The following GLP2R variants were observed in gnomAD, a reference collection of about 807,000 sequenced individuals.
The protein encoded by GLP2R is glucagon like peptide 2 receptor.
GLP2R carries 59 observed loss-of-function variants against 68.2 expected under a neutral mutation model. The ratio of observed to expected loss-of-function variants is 0.87; its 90% CI spans 0.70 to 1.07. The LOEUF is 1.07. Among genes scored for constraint, GLP2R ranks in the 50% least tolerant of loss-of-function variants. The pLI is 0.00. For missense variants in GLP2R, 548 were observed against 677.4 expected, an observed-to-expected ratio of 0.81 and a Z score of 2.12; for synonymous variants, 270 against 265.4, an observed-to-expected ratio of 1.02 and a Z score of -0.17.
At chr17:9,859,712 G>C (rs944023109) in intron 6 of GLP2R, among the ~76,000 whole-genome samples, 1 of 149,592 alleles carries the variant, frequency 6.7e-6, no homozygotes, top group Non-Finnish European at 1.5e-5. Flanking sequence ...CTAGCTACTC[G>C]GGGGGCTGAC....
intron 4 of GLP2R, among the ~76,000 whole-genome samples, chr17:9,844,187 T>TA (rs2066814749): frequency 6.6e-6 from 1 of 152,054 alleles, no homozygotes; most frequent in African/African-American, 2.4e-5. Flanking sequence ...AGGACACAGG[T>TA]GGAGGTAGAG....
chr17:9,846,992 C>T (rs1406693479), intron 4 of GLP2R, among the ~76,000 whole-genome samples: 1 of 152,228 alleles, frequency 6.6e-6, no homozygotes, highest in East Asian at 1.9e-4. Flanking sequence ...CCTGCTTCCA[C>T]TCCTGAAGAA....
rs140240571 is a variant in GLP2R, at chr17:9,879,623, G to A, written c.1146-755G>A. ...GTAAGGAATTTTAATAGTCAGCCAC[G>A]TTTGGGAACCACCAGTATGCAACAT... is the stretch of plus-strand genomic sequence containing the variant. On this transcript the variant is annotated intron_variant, in intron 10 of 12. Coordinates refer to ENST00000262441, the MANE Select transcript of GLP2R (RefSeq NM_004246.3). Among the ~76,000 whole-genome samples the A allele has an allele frequency of 2.2e-3, 336 of 152,302 alleles. 1 individual carries two copies. Among genetic ancestry groups the A allele is most frequent in the African/African-American group, 3.0e-3 (124 of 41,578 alleles).
chr17:9,852,960 C>G (rs1433995428), intron 4 of GLP2R: 4 of 485,866 alleles, frequency 8.2e-6, no homozygotes, highest in South Asian at 5.7e-5. Flanking sequence ...CTGCATCTTC[C>G]TAAGTGCTGT....
rs569667770 is a variant in GLP2R, at chr17:9,856,972, C to T, written c.612-451C>T. 5.7e-4 allele frequency among the ~76,000 whole-genome samples: 87 copies of T among 151,888 alleles called. No individual in the cohort carries two copies. In the South Asian group the frequency reaches 0.016, roughly 28 times the overall value. On this transcript the variant is annotated intron_variant, in intron 5 of 12. Transcript: ENST00000262441. ...AAGTCTCGCTCTGTTGCCAGGCTGG[C>T]GTGCAGTGGCGTGATCTAGGCTCAC...
intron 9 of GLP2R, among the ~76,000 whole-genome samples, chr17:9,869,046 T>TG (rs2067067179): frequency 6.6e-6 from 1 of 152,240 alleles, no homozygotes; most frequent in African/African-American, 2.4e-5. Context: ...TCCTGCTGGC[T>TG]TCAGGCCCTC....
chr17:9,826,324 C>A, intron 1 of GLP2R, 72 bp downstream of exon 1: 1 of 1,087,298 alleles, frequency 9.2e-7, no homozygotes, highest in Non-Finnish European at 1.3e-6. Context: ...GCAATTTAGG[C>A]CTCATGTAAG....
intron 11 of GLP2R, among the ~76,000 whole-genome samples, chr17:9,881,378 C>CTTCTTTTT (rs2067194258): frequency 2.1e-5 from 2 of 95,644 alleles, no homozygotes; most frequent in African/African-American, 5.0e-5. Flanking sequence ...GCTGTCAGGC[C>CTTCTTTTT]TTTTTTTTTT....
At chr17:9,839,143 T>G (rs1247726640) in intron 3 of GLP2R, among the ~76,000 whole-genome samples, 1 of 152,148 alleles carries the variant, frequency 6.6e-6, no homozygotes, top group African/African-American at 2.4e-5. Context: ...AGTTGTAGTC[T>G]GGGAGAATGA....
At chr17:9,830,137 T>A (rs2066667267) in intron 1 of GLP2R, among the ~76,000 whole-genome samples, 1 of 152,246 alleles carries the variant, frequency 6.6e-6, no homozygotes, top group South Asian at 2.1e-4. Context: ...TTTGTCCAGC[T>A]CTCCTAGACT....
chr17:9,836,489 T>C lies in GLP2R; in HGVS notation c.382+14T>C. ...GGTGGAGTGAAGGTAATAAGTCTTA[T>C]TTTTACCAATTTTCCCCAACCAAGT... On this transcript the variant is annotated intron_variant, in intron 3 of 12. Transcript: ENST00000262441. 2 of 1,485,958 alleles carry C rather than the reference T, an allele frequency of 1.3e-6. No individual in the cohort carries two copies. The highest frequency in any genetic ancestry group is 1.9e-6 in the Non-Finnish European group (2 of 1,063,156). The allele number at this position is 1,485,958 out of a possible 1,614,324, so 92.0% of individuals were successfully genotyped here. A position where few individuals can be genotyped will look rare whatever the true frequency, so the allele number is the denominator to read the frequency against.
At chr17:9,868,219 GA>G (rs1280492437) in intron 9 of GLP2R, among the ~76,000 whole-genome samples, 1 of 152,198 alleles carries the variant, frequency 6.6e-6, no homozygotes, top group African/African-American at 2.4e-5. Flanking sequence ...GGCTCTTGGG[GA>G]AAGAGTGTTT....
In GLP2R at chr17:9,860,101, G is replaced by A. The variant is rs767221565; in HGVS notation, c.925G>A (p.Ala309Thr). 2 of 1,597,714 alleles carry A rather than the reference G, an allele frequency of 1.3e-6. No homozygotes were observed. Among genetic ancestry groups the A allele is most frequent in the Non-Finnish European group, 1.7e-6 (2 of 1,171,370 alleles). ...LWPRYLLLGW[A>T]FPVLFVVPWG... ...GCCCAGATACCTGCTGTTGGGTTGG[G>A]GTGAGTGACCTGACCTTCAGCTTCC... Residue 309 changes from alanine to threonine, a missense_variant and splice_region_variant, in exon 7 of 13, where the codon GCC becomes ACC. By Grantham distance (58) the Ala-to-Thr change is moderately conservative. Coordinates refer to ENST00000262441, the MANE Select transcript of GLP2R (RefSeq NM_004246.3).
chr17:9,877,647 T>A (rs941159257), intron 10 of GLP2R, among the ~76,000 whole-genome samples: 1 of 152,028 alleles, frequency 6.6e-6, no homozygotes, highest in Non-Finnish European at 1.5e-5. Flanking sequence ...CCCAGCACTT[T>A]GGGAGGCCGA....
intron 6 of GLP2R, among the ~76,000 whole-genome samples, chr17:9,858,450 G>GT (rs1183931790): frequency 1.3e-5 from 2 of 152,218 alleles, no homozygotes; most frequent in Non-Finnish European, 2.9e-5. Context: ...AGATTGGCTT[G>GT]TAATGCCTTT....
chr17:9,847,157 A>G (rs2066846805), intron 4 of GLP2R, among the ~76,000 whole-genome samples: 1 of 152,258 alleles, frequency 6.6e-6, no homozygotes, highest in South Asian at 2.1e-4. Context: ...AAATAACCCC[A>G]GTGGCACTGA....
chr17:9,862,002 C>T lies in GLP2R; in HGVS notation c.987-19C>T, dbSNP rs563544551. On this transcript the variant is annotated intron_variant, in intron 8 of 12. Coordinates refer to ENST00000262441, the MANE Select transcript of GLP2R (RefSeq NM_004246.3). ...TTGTTTTTAAGTCTTCTACTGCCTGCTTCTACTGTTGACCTTAGGTGCTGG... is the reference window on the plus strand; with the variant it reads ...TTGTTTTTAAGTCTTCTACTGCCTGTTTCTACTGTTGACCTTAGGTGCTGG... The T allele has an allele frequency of 1.6e-5, 26 of 1,583,856 alleles. 2 individuals carry two copies. The highest frequency in any genetic ancestry group is 1.5e-4 in the African/African-American group (11 of 74,530).
chr17:9,850,882 T>C (rs1267018723), intron 4 of GLP2R, among the ~76,000 whole-genome samples: 1 of 151,928 alleles, frequency 6.6e-6, no homozygotes, highest in African/African-American at 2.4e-5. Flanking sequence ...TTAGTAGAGA[T>C]GGGGTTTGCC....
chr17:9,875,209 C>T (rs536123791), intron 10 of GLP2R, among the ~76,000 whole-genome samples: 2 of 152,368 alleles, frequency 1.3e-5, no homozygotes, highest in South Asian at 4.1e-4. Flanking sequence ...AATTCTCTCA[C>T]TTTCAAGTTC....
Sources: allele counts gnomAD v4.1 joint callset (sites outside exome capture counted in the v4.1 genomes callset), GRCh38; gene constraint gnomAD v4.1.1; transcripts MANE v1.5; gene names NCBI Gene and HGNC (gene_info 2026-07-23, HGNC 2026-07-21).